Variants in CSMD2 observed in about 807,000 individuals in gnomAD.
CSMD2 encodes CUB and sushi domain-containing protein 2.
Under a neutral mutation model 398.5 loss-of-function variants are expected in CSMD2, and 130 were observed. The observed-to-expected ratio is 0.33, with a 90% CI of 0.28 to 0.38. The LOEUF is 0.38. Ranked by LOEUF, CSMD2 falls within the 10% of genes least tolerant of loss-of-function variation. The pLI, the probability that CSMD2 is intolerant of heterozygous loss-of-function variation, is 1.00. For missense variants in CSMD2, 3,829 were observed against 4,764.9 expected, an observed-to-expected ratio of 0.80 and a Z score of 5.78; for synonymous variants, 1,828 against 1,908.5, an observed-to-expected ratio of 0.96 and a Z score of 1.10.
intron 25 of CSMD2, among the ~76,000 whole-genome samples, chr1:33,669,066 A>C (rs899961550): frequency 8.5e-5 from 13 of 152,376 alleles, no homozygotes; most frequent in Admixed American, 4.6e-4. Context: ...AAAGCCCTGC[A>C]GTTGAGAGTG....
chr1:33,994,441 T>C (rs1646662206), intron 3 of CSMD2, among the ~76,000 whole-genome samples: 1 of 152,110 alleles, frequency 6.6e-6, no homozygotes, highest in Admixed American at 6.5e-5. Context: ...CACAGCACCA[T>C]GGATGGCCGT....
At chr1:34,115,786 G>A (rs1661543109) in intron 1 of CSMD2, among the ~76,000 whole-genome samples, 1 of 152,026 alleles carries the variant, frequency 6.6e-6, no homozygotes. Flanking sequence ...TGTAAAAGGT[G>A]AAATTCGTGA....
At chr1:33,540,486 T>C (rs748035945) in intron 60 of CSMD2, 39 bp downstream of exon 60, 5 of 1,609,316 alleles carry the variant, frequency 3.1e-6, no homozygotes, top group Non-Finnish European at 4.2e-6. Flanking sequence ...GAAGGAGCTA[T>C]TGAAGAGGAT....
At chr1:33,790,700 TATC>T (rs1260505750) in intron 11 of CSMD2, among the ~76,000 whole-genome samples, 48 of 140,852 alleles carry the variant, frequency 3.4e-4, no homozygotes, top group Admixed American at 1.0e-3. Context: ...TCTATCTATC[TATC>T]ATCTATCTGT....
At chr1:34,042,167 C>T (rs964545646) in intron 2 of CSMD2, among the ~76,000 whole-genome samples, 2 of 152,156 alleles carry the variant, frequency 1.3e-5, no homozygotes, top group Non-Finnish European at 2.9e-5. Context: ...GTCTTGATTC[C>T]TGCTTGATAG....
At chr1:33,571,281 A>G (rs188981281) in intron 51 of CSMD2, among the ~76,000 whole-genome samples, 9 of 152,334 alleles carry the variant, frequency 5.9e-5, no homozygotes, top group African/African-American at 9.6e-5. Flanking sequence ...AAAGAAATGA[A>G]TTAGTGCATG....
intron 60 of CSMD2, among the ~76,000 whole-genome samples, chr1:33,538,974 A>T (rs1656067087): frequency 1.4e-5 from 2 of 147,560 alleles, no homozygotes; most frequent in Admixed American, 6.8e-5. Context: ...AAAGAAAGGC[A>T]TTTTTTTTTT....
At chr1:33,652,161 T>G (rs758646092) in intron 28 of CSMD2, among the ~76,000 whole-genome samples, 162 bp downstream of exon 28, 2 of 152,206 alleles carry the variant, frequency 1.3e-5, no homozygotes, top group African/African-American at 2.4e-5. Context: ...GCTTGGCACG[T>G]AGATGTTCAA....
intron 3 of CSMD2, among the ~76,000 whole-genome samples, chr1:34,026,980 G>C (rs186317998): frequency 2.6e-5 from 4 of 152,230 alleles, no homozygotes; most frequent in Admixed American, 6.5e-5. Context: ...AAAAGAATAA[G>C]GTGAGCCTTT....
intron 51 of CSMD2, 30 bp from the exon 52 acceptor site, chr1:33,569,577 C>A: frequency 6.2e-7 from 1 of 1,604,994 alleles, no homozygotes. Flanking sequence ...CTCAGTAAGC[C>A]AGCCCCAAGA....
At chr1:33,585,213 C>T (rs959081295) in intron 46 of CSMD2, among the ~76,000 whole-genome samples, 2 of 152,212 alleles carry the variant, frequency 1.3e-5, no homozygotes, top group African/African-American at 4.8e-5. Context: ...TTTAGACAGG[C>T]TTCCTGGGTC....
chr1:33,908,103 A>AG (rs1643224157), intron 5 of CSMD2, among the ~76,000 whole-genome samples: 1 of 144,908 alleles, frequency 6.9e-6, no homozygotes, highest in African/African-American at 2.5e-5. Context: ...AAAAAAAAAA[A>AG]AAAAGAAAAG....
chr1:33,639,920 G>T (rs767306588), intron 29 of CSMD2, among the ~76,000 whole-genome samples: 1 of 152,188 alleles, frequency 6.6e-6, no homozygotes, highest in Non-Finnish European at 1.5e-5. Context: ...AGAAGGCAGG[G>T]CCGGTTATGC....
intron 1 of CSMD2, among the ~76,000 whole-genome samples, chr1:34,120,287 T>C (rs1662041087): frequency 6.6e-6 from 1 of 152,208 alleles, no homozygotes; most frequent in Non-Finnish European, 1.5e-5. Context: ...GTGATTGTCA[T>C]GGGCTGGGGG....
At position 33,853,389 on chromosome 1, in the gene CSMD2, C is replaced by T. The variant is rs148003320; in HGVS notation, c.921-6393G>A. Among the ~76,000 whole-genome samples, 298 of 152,366 alleles carry T rather than the reference C, an allele frequency of 2.0e-3. 2 individuals carry two copies. Among genetic ancestry groups the T allele is most frequent in the Non-Finnish European group, 3.5e-3 (237 of 68,042 alleles). On this transcript the variant is annotated intron_variant, in intron 5 of 70. Transcript: ENST00000373381. The stretch of plus-strand genomic sequence containing the variant: ...CAGTGGGGTACAGTTGTCTCATTCA[C>T]TCACACCTAATATTTAGTAAGCAAT...
chr1:33,833,457 C>G (rs1328445022), intron 6 of CSMD2, among the ~76,000 whole-genome samples: 1 of 150,848 alleles, frequency 6.6e-6, no homozygotes, highest in Non-Finnish European at 1.5e-5. Context: ...AACAACCCTT[C>G]ATGCTAAAAA....
In CSMD2 at chr1:33,519,721, A is replaced by T. The variant is rs773521570; in HGVS notation, c.10737-44T>A. 9.3e-6 allele frequency: 15 copies of T among 1,613,774 alleles called. No individual in the cohort carries two copies. In the East Asian group the frequency reaches 3.3e-4, roughly 36 times the overall value. ...GTGCCCACGGCATGAAAAGAGCGAC[A>T]CAGAGAGGCTTAGGGGTCTGGTGCG... is the stretch of plus-strand genomic sequence containing the variant. On this transcript the variant is annotated intron_variant, in intron 69 of 70. Transcript: ENST00000373381. The surrounding 1 kb of genome is among the most constrained non-coding windows in gnomAD (Gnocchi z 5.6).
At chr1:33,885,393 A>C (rs1641522003) in intron 5 of CSMD2, 1 of 152,162 alleles carries the variant, frequency 6.6e-6, no homozygotes, top group African/African-American at 2.4e-5. Context: ...ACAACAATGA[A>C]CTTAAGACCC....
At chr1:33,630,384 T>C (rs1642398871) in intron 32 of CSMD2, among the ~76,000 whole-genome samples, 2 of 152,186 alleles carry the variant, frequency 1.3e-5, no homozygotes, top group African/African-American at 2.4e-5. Flanking sequence ...AATAACAAAA[T>C]TGAGTAAGAT....
Sources: gnomAD v4.1 joint callset for allele counts (sites outside exome capture counted in the v4.1 genomes callset) on GRCh38, gnomAD v4.1.1 for gene constraint, Gnocchi (gnomAD v3.1) non-coding constraint, MANE v1.5 for transcripts, NCBI Gene and HGNC (gene_info 2026-07-23, HGNC 2026-07-21) for gene names.